Variants in SAMD4A observed in about 807,000 individuals in gnomAD.
SAMD4A encodes protein Smaug homolog 1.
Under a neutral mutation model 81.3 loss-of-function variants are expected in SAMD4A, and 33 were observed. That is an observed-to-expected ratio of 0.41 (90% confidence interval 0.31 to 0.54). SAMD4A has a LOEUF of 0.54. SAMD4A is among the 20% of genes least tolerant of loss of function. SAMD4A has a pLI of 0.37. For synonymous variants in SAMD4A, 389 were observed against 382.1 expected (o/e 1.02, Z -0.21); for missense variants, 854 against 951.1 (o/e 0.90, Z 1.34).
Position 54,789,101 on chromosome 14 carries a change from T to C in SAMD4A, c.*157T>C. On this transcript the variant is annotated 3_prime_UTR_variant, in exon 13 of 13. Transcript: ENST00000554335. ...TTTGATTTTGTGAGAGCGTAGGTCA[T>C]CCTCGTAAACATATCAGTAGACCTG... is the stretch of plus-strand genomic sequence containing the variant. 1 of 767,606 alleles carries C rather than the reference T, an allele frequency of 1.3e-6. No homozygotes were observed. 47.5% of individuals were successfully genotyped at this position (767,606 alleles called of 1,614,324 possible).
chr14:54,777,594 C>G (rs2038888893), intron 11 of SAMD4A, among the ~76,000 whole-genome samples: 1 of 152,108 alleles, frequency 6.6e-6, no homozygotes, highest in Non-Finnish European at 1.5e-5. Flanking sequence ...AGCTTGGACT[C>G]TGGCCACTCT....
At chr14:54,783,864 C>G (rs1309977794) in intron 11 of SAMD4A, among the ~76,000 whole-genome samples, 1 of 152,202 alleles carries the variant, frequency 6.6e-6, no homozygotes, top group Non-Finnish European at 1.5e-5. Flanking sequence ...AGGCCCTGCT[C>G]TAGGCACAGG....
At chr14:54,652,124 T>C (rs992104849) in intron 2 of SAMD4A, among the ~76,000 whole-genome samples, 3 of 152,252 alleles carry the variant, frequency 2.0e-5, no homozygotes, top group African/African-American at 7.2e-5. Context: ...TTAGGATCTA[T>C]CTACATCCAC....
chr14:54,728,654 T>C (rs575290313), intron 3 of SAMD4A, among the ~76,000 whole-genome samples: 2 of 152,332 alleles, frequency 1.3e-5, no homozygotes, highest in African/African-American at 4.8e-5. Context: ...CTCACTGCCA[T>C]GCTGAGAATC....
chr14:54,685,685 G>T (rs1361220440), intron 2 of SAMD4A: 1 of 456,626 alleles, frequency 2.2e-6, no homozygotes, highest in Non-Finnish European at 4.4e-6. Context: ...GCTCTCTTCA[G>T]TGGTGGAAAG....
chr14:54,603,233 T>A (rs1012581038), intron 2 of SAMD4A, among the ~76,000 whole-genome samples: 1 of 152,234 alleles, frequency 6.6e-6, no homozygotes, highest in African/African-American at 2.4e-5. Flanking sequence ...TAGTCTCCAG[T>A]TGCTGAGACA....
At position 54,792,485 on chromosome 14, in the gene SAMD4A, T is replaced by C. The variant is rs911615; in HGVS notation, c.*3541T>C. 2.6e-5 allele frequency: 4 copies of C among 151,998 alleles called. No homozygotes were observed. The highest frequency in any genetic ancestry group is 1.3e-4 in the Admixed American group (2 of 15,254). 9.4% of individuals were successfully genotyped at this position (151,998 alleles called of 1,614,324 possible). A position where few individuals can be genotyped will look rare whatever the true frequency, so the allele number is the denominator to read the frequency against. The stretch of plus-strand genomic sequence containing the variant: ...ATGTTATTCCCCAGGAGCCTGGGCT[T>C]GGGGGCTGAGCTGGGCTGAATGCAA... On this transcript the variant is annotated 3_prime_UTR_variant, in exon 13 of 13. Coordinates refer to ENST00000554335, the MANE Select transcript of SAMD4A (RefSeq NM_015589.6).
chr14:54,763,159 ATT>A (rs1401183839), intron 7 of SAMD4A, among the ~76,000 whole-genome samples: 1 of 151,562 alleles, frequency 6.6e-6, no homozygotes, highest in Non-Finnish European at 1.5e-5. Flanking sequence ...CCAGCCGAAT[ATT>A]CACTTTTATA....
At chr14:54,718,069 A>G (rs907399433) in intron 3 of SAMD4A, among the ~76,000 whole-genome samples, 1 of 152,098 alleles carries the variant, frequency 6.6e-6, no homozygotes, top group African/African-American at 2.4e-5. Context: ...CACTCAATCT[A>G]TATGCAATTC....
intron 6 of SAMD4A, among the ~76,000 whole-genome samples, chr14:54,759,435 G>A (rs893664294): frequency 2.6e-5 from 4 of 152,058 alleles, no homozygotes; most frequent in East Asian, 3.9e-4. Context: ...TCATGCCCAC[G>A]CTCATTTGGG....
intron 2 of SAMD4A, among the ~76,000 whole-genome samples, chr14:54,584,304 A>G (rs2033556311): frequency 6.6e-6 from 1 of 152,186 alleles, no homozygotes; most frequent in Non-Finnish European, 1.5e-5. Context: ...TTGAGGATGG[A>G]GTGTCTTGCA....
chr14:54,662,954 A>G (rs932832286), intron 2 of SAMD4A, among the ~76,000 whole-genome samples: 1 of 152,202 alleles, frequency 6.6e-6, no homozygotes, highest in Non-Finnish European at 1.5e-5. Flanking sequence ...CAAAGGTCAC[A>G]GACTCTGCAG....
Position 54,637,379 on chromosome 14 carries a change from AAAAAAAAAG to A in SAMD4A, c.197-64681_197-64673del, listed in dbSNP as rs1463664642. The stretch of plus-strand genomic sequence containing the variant: ...AAACTCCATCTCAAAAAAAAAAAAA[AAAAAAAAAG>A]AGGCAAGAAGAAGAGTAGGAATTAG... On this transcript the variant is annotated intron_variant, in intron 2 of 12. Transcript: ENST00000554335. Among the ~76,000 whole-genome samples the A allele has an allele frequency of 8.1e-3, 1,213 of 150,450 alleles. 14 individuals carry two copies. Among genetic ancestry groups the A allele is most frequent in the Non-Finnish European group, 0.012 (811 of 67,520 alleles).
intron 4 of SAMD4A, among the ~76,000 whole-genome samples, chr14:54,747,600 A>G (rs935191690): frequency 5.3e-5 from 8 of 152,262 alleles, no homozygotes; most frequent in African/African-American, 1.7e-4. Flanking sequence ...AATAGATAAT[A>G]CTTCATAAAA....
chr14:54,757,282 G>T (rs949854410), intron 6 of SAMD4A, among the ~76,000 whole-genome samples: 2 of 152,060 alleles, frequency 1.3e-5, no homozygotes, highest in African/African-American at 4.8e-5. Context: ...TGAGACAATG[G>T]CTTGATGTCT....
At chr14:54,620,219 G>A (rs564469499) in intron 2 of SAMD4A, among the ~76,000 whole-genome samples, 4 of 152,228 alleles carry the variant, frequency 2.6e-5, no homozygotes, top group East Asian at 3.9e-4. Flanking sequence ...GTTAGCAGCC[G>A]CTGAGCCAAA....
chr14:54,746,115 G>A (rs1310089920), intron 4 of SAMD4A, among the ~76,000 whole-genome samples: 1 of 152,162 alleles, frequency 6.6e-6, no homozygotes, highest in Non-Finnish European at 1.5e-5. Context: ...TTGCTTCTCT[G>A]GTTTGTTTCT....
intron 2 of SAMD4A, among the ~76,000 whole-genome samples, chr14:54,692,747 A>C (rs1364322093): frequency 6.6e-6 from 1 of 151,996 alleles, no homozygotes; most frequent in African/African-American, 2.4e-5. Context: ...GGTGTAAAAA[A>C]CTAGTCGAGT....
At chr14:54,701,678 C>G (rs1357012093) in intron 2 of SAMD4A, among the ~76,000 whole-genome samples, 1 of 152,232 alleles carries the variant, frequency 6.6e-6, no homozygotes, top group Non-Finnish European at 1.5e-5. Flanking sequence ...GGAATGGGAC[C>G]TTTGTTCATA....
Sources: gnomAD v4.1 joint callset for allele counts (sites outside exome capture counted in the v4.1 genomes callset) on GRCh38, gnomAD v4.1.1 for gene constraint, MANE v1.5 for transcripts, NCBI Gene and HGNC (gene_info 2026-07-23, HGNC 2026-07-21) for gene names.